The following PARD3B variants were observed in gnomAD, a reference collection of about 807,000 sequenced individuals.
PARD3B encodes the protein partitioning defective 3 homolog B.
Under a neutral mutation model 130.2 loss-of-function variants are expected in PARD3B, and 103 were observed. The ratio of observed to expected loss-of-function variants is 0.79; its 90% CI spans 0.67 to 0.93. The LOEUF (loss-of-function observed/expected upper bound fraction) is 0.93. Among genes scored for constraint, PARD3B ranks in the 40% least tolerant of loss-of-function variants. PARD3B has a pLI of 0.00. For missense variants in PARD3B, 1,609 were observed against 1,499.2 expected, an observed-to-expected ratio of 1.07 and a Z score of -1.21; for synonymous variants, 583 against 553.2, an observed-to-expected ratio of 1.05 and a Z score of -0.76.
intron 4 of PARD3B, among the ~76,000 whole-genome samples, chr2:205,077,539 A>T (rs1401125981): frequency 6.6e-6 from 1 of 152,216 alleles, no homozygotes; most frequent in Non-Finnish European, 1.5e-5. Flanking sequence ...AAGTTCATGC[A>T]TTCTGTAGTT....
intron 1 of PARD3B, among the ~76,000 whole-genome samples, chr2:204,591,601 A>G (rs1196871416): frequency 1.3e-5 from 2 of 152,216 alleles, no homozygotes; most frequent in Non-Finnish European, 2.9e-5. Context: ...ATAGCTGCCA[A>G]TTCAATGGTA....
At chr2:205,432,808 A>G (rs944923848) in intron 19 of PARD3B, among the ~76,000 whole-genome samples, 7 of 151,750 alleles carry the variant, frequency 4.6e-5, no homozygotes, top group Non-Finnish European at 1.5e-5. Flanking sequence ...CCCTTCAAAA[A>G]CTCCTACTAC....
At position 204,698,576 on chromosome 2, in the gene PARD3B, A is replaced by G. The variant is rs374978642; in HGVS notation, c.222+12294A>G. On this transcript the variant is annotated intron_variant, in intron 2 of 22. Transcript: ENST00000406610. ...TTTTTTTTTCTGGAAGAAATAATTA[A>G]TGCTATTTAACACATCTATTAAGAT... is the stretch of plus-strand genomic sequence containing the variant. 2.0e-5 allele frequency among the ~76,000 whole-genome samples: 3 copies of G among 151,906 alleles called. No homozygotes were observed. The South Asian group carries it at 6.2e-4, about 31-fold the overall frequency.
rs1376685571 is a variant in PARD3B at position 205,473,752 on chromosome 2, AT to A, written c.3045-26143del. ...AAACCCTAAATATATATATATATAT[AT>A]ATAACCTTAAATATATATATTTTAT... On this transcript the variant is annotated intron_variant, in intron 20 of 22. Transcript: ENST00000406610. The surrounding 1 kb of genome is among the most constrained non-coding windows in gnomAD (Gnocchi z 4.9). Among the ~76,000 whole-genome samples, 2 of 146,750 alleles carry A rather than the reference AT, an allele frequency of 1.4e-5. No individual in the cohort carries two copies. Among genetic ancestry groups the A allele is most frequent in the African/African-American group, 4.9e-5 (2 of 40,454 alleles).
Position 205,463,064 on chromosome 2 carries a change from C to G in PARD3B, c.3044+22392C>G, listed in dbSNP as rs2048504578. On this transcript the variant is annotated intron_variant, in intron 20 of 22. Coordinates refer to ENST00000406610, the MANE Select transcript of PARD3B (RefSeq NM_001302769.2). This position sits in a 1 kb window ranked among gnomAD's most constrained non-coding sequence, Gnocchi z 4.8. ...AAAAAGTCATCTCAGCATCAACTGA[C>G]AATTATTTTTTTTGCCCTCAATATC... Among the ~76,000 whole-genome samples, 1 of 152,124 alleles carries G rather than the reference C, an allele frequency of 6.6e-6. No individual in the cohort carries two copies. Among genetic ancestry groups the G allele is most frequent in the Non-Finnish European group, 1.5e-5 (1 of 68,014 alleles).
chr2:204,845,397 G>GT (rs920511626), intron 2 of PARD3B, among the ~76,000 whole-genome samples: 7 of 151,920 alleles, frequency 4.6e-5, no homozygotes, highest in African/African-American at 9.7e-5. Flanking sequence ...GCTTATAAAA[G>GT]TTTTTTTAAA....
rs1208224353 is a variant in PARD3B, at chr2:205,460,088, T to G, written c.3044+19416T>G. Among the ~76,000 whole-genome samples the G allele has an allele frequency of 2.0e-5, 3 of 152,188 alleles. No homozygotes were observed. The highest frequency in any genetic ancestry group is 1.3e-4 in the Admixed American group (2 of 15,268). On this transcript the variant is annotated intron_variant, in intron 20 of 22. Transcript: ENST00000406610. This position sits in a 1 kb window ranked among gnomAD's most constrained non-coding sequence, Gnocchi z 4.9. The stretch of plus-strand genomic sequence containing the variant: ...CAGTACCAGAAGACTTGGATGTGCT[T>G]AATTCCAGTTTAGAATCTGGAAAAC...
chr2:204,620,928 A>C (rs766632464), intron 1 of PARD3B, among the ~76,000 whole-genome samples: 1 of 152,204 alleles, frequency 6.6e-6, no homozygotes, highest in Non-Finnish European at 1.5e-5. Flanking sequence ...ATCTACACTT[A>C]TAGCAAGTTA....
At chr2:204,553,677 T>C (rs1486060472) in intron 1 of PARD3B, among the ~76,000 whole-genome samples, 49 of 119,156 alleles carry the variant, frequency 4.1e-4, no homozygotes, top group African/African-American at 1.8e-3. Flanking sequence ...TATATATATA[T>C]ATATATATAT....
rs376149736 is a variant in PARD3B at position 204,602,704 on chromosome 2, G to T, written c.120+56585G>T. ...GGCTCTGTGTTGATTGTTGGTGGGG[G>T]TGGGTGAGATACAAATATAACGTAC... On this transcript the variant is annotated intron_variant, in intron 1 of 22. Coordinates refer to ENST00000406610, the MANE Select transcript of PARD3B (RefSeq NM_001302769.2). Among the ~76,000 whole-genome samples, 49 of 151,798 alleles carry T rather than the reference G, an allele frequency of 3.2e-4. 1 individual carries two copies. The South Asian group carries it at 1.0e-2, about 31-fold the overall frequency.
chr2:204,986,197 C>T (rs1003757368), intron 3 of PARD3B, among the ~76,000 whole-genome samples: 1 of 151,126 alleles, frequency 6.6e-6, no homozygotes, highest in Non-Finnish European at 1.5e-5. Flanking sequence ...TTGATTGGAT[C>T]CCTTTACTTC....
intron 6 of PARD3B, among the ~76,000 whole-genome samples, chr2:205,113,810 A>T (rs1703829168): frequency 1.3e-5 from 2 of 152,184 alleles, no homozygotes; most frequent in Non-Finnish European, 2.9e-5. Context: ...ATTAATTATG[A>T]AATACTTTCT....
intron 21 of PARD3B, among the ~76,000 whole-genome samples, chr2:205,506,348 A>T (rs1012419005): frequency 6.6e-6 from 1 of 152,118 alleles, no homozygotes; most frequent in African/African-American, 2.4e-5. Flanking sequence ...AACAAAAACA[A>T]AAACAAAAAT....
chr2:204,818,608 A>G (rs2043225786), intron 2 of PARD3B, among the ~76,000 whole-genome samples: 1 of 152,170 alleles, frequency 6.6e-6, no homozygotes, highest in African/African-American at 2.4e-5. Context: ...GCAGTCATAA[A>G]AAGAAATGTG....
chr2:204,758,364 A>G (rs191116544), intron 2 of PARD3B, among the ~76,000 whole-genome samples: 57 of 152,288 alleles, frequency 3.7e-4, no homozygotes, highest in Non-Finnish European at 7.2e-4. Flanking sequence ...GAAACAGTCT[A>G]CCACAAGTGT....
At chr2:205,215,890 C>G (rs1038901666) in intron 15 of PARD3B, among the ~76,000 whole-genome samples, 4 of 151,828 alleles carry the variant, frequency 2.6e-5, no homozygotes, top group African/African-American at 9.7e-5. Flanking sequence ...TTAATCTAAT[C>G]TATATAATAC....
chr2:205,076,218 C>T (rs534286266), intron 4 of PARD3B, among the ~76,000 whole-genome samples: 2 of 152,260 alleles, frequency 1.3e-5, no homozygotes, highest in South Asian at 4.1e-4. Context: ...TCTTATATAA[C>T]TAGATTGATG....
chr2:204,751,189 G>A (rs778700443), intron 2 of PARD3B, among the ~76,000 whole-genome samples: 1 of 152,026 alleles, frequency 6.6e-6, no homozygotes, highest in Non-Finnish European at 1.5e-5. Flanking sequence ...GTGATATTTG[G>A]GGCCTCAGCT....
chr2:204,828,092 A>C (rs1030412930), intron 2 of PARD3B, among the ~76,000 whole-genome samples: 6 of 152,150 alleles, frequency 3.9e-5, no homozygotes, highest in African/African-American at 1.4e-4. Context: ...ACAAAGGAAG[A>C]ATGTCATTTC....
Sources: gnomAD v4.1 joint callset for allele counts (sites outside exome capture counted in the v4.1 genomes callset) on GRCh38, gnomAD v4.1.1 for gene constraint, Gnocchi (gnomAD v3.1) non-coding constraint, MANE v1.5 for transcripts, NCBI Gene and HGNC (gene_info 2026-07-23, HGNC 2026-07-21) for gene names.